The following PLCH1 variants were observed in gnomAD, a reference collection of about 807,000 sequenced individuals.
PLCH1 encodes phospholipase C eta 1.
Under a neutral mutation model 126.7 loss-of-function variants are expected in PLCH1, and 60 were observed. The ratio of observed to expected loss-of-function variants is 0.47; its 90% CI spans 0.38 to 0.59. The LOEUF (loss-of-function observed/expected upper bound fraction) is 0.59, where lower values mean the gene tolerates loss of function less well. Ranked by LOEUF, PLCH1 falls within the 20% of genes least tolerant of loss-of-function variation. The pLI is 0.00. For synonymous variants in PLCH1, 719 were observed against 734.9 expected (o/e 0.98, Z 0.35); for missense variants, 1,723 against 2,040.0 (o/e 0.84, Z 2.99).
chr3:155,543,608 G>A (rs1403363202), intron 10 of PLCH1, among the ~76,000 whole-genome samples: 1 of 152,150 alleles, frequency 6.6e-6, no homozygotes. Flanking sequence ...AAGTTGAAAT[G>A]ACGGAAAAAA....
intron 2 of PLCH1, among the ~76,000 whole-genome samples, chr3:155,602,147 A>G (rs781378013): frequency 6.6e-6 from 1 of 152,226 alleles, no homozygotes; most frequent in East Asian, 1.9e-4. Flanking sequence ...AGTGTAAAAG[A>G]TAATGAGGAA....
At chr3:155,682,276 C>T (rs1744599494) in intron 2 of PLCH1, among the ~76,000 whole-genome samples, 1 of 152,138 alleles carries the variant, frequency 6.6e-6, no homozygotes, top group South Asian at 2.1e-4. Context: ...TAGTTCATGC[C>T]TTTGGCCTAT....
intron 2 of PLCH1, among the ~76,000 whole-genome samples, chr3:155,644,538 A>T (rs1739785612): frequency 6.6e-6 from 1 of 152,140 alleles, no homozygotes; most frequent in Non-Finnish European, 1.5e-5. Flanking sequence ...GGGAGGCGGA[A>T]GTTGCAGAGA....
At chr3:155,646,108 C>T (rs1740019602) in intron 2 of PLCH1, among the ~76,000 whole-genome samples, 1 of 152,108 alleles carries the variant, frequency 6.6e-6, no homozygotes, top group African/African-American at 2.4e-5. Context: ...AGGTGTGTTT[C>T]TGGAGAGCTG....
chr3:155,531,381 T>G (rs1010240710), intron 10 of PLCH1, among the ~76,000 whole-genome samples: 3 of 152,186 alleles, frequency 2.0e-5, no homozygotes, highest in African/African-American at 7.2e-5. Flanking sequence ...TCCCAGCACT[T>G]TGGGAGGCCA....
At chr3:155,541,990 G>C (rs374501730) in intron 10 of PLCH1, among the ~76,000 whole-genome samples, 1 of 152,348 alleles carries the variant, frequency 6.6e-6, no homozygotes, top group East Asian at 1.9e-4. Flanking sequence ...ACTTCCATCT[G>C]AGGTACCGGG....
In PLCH1 at chr3:155,481,254, G is replaced by C. The variant is rs149851824; in HGVS notation, c.4772C>G (p.Ala1591Gly). 1 of 1,614,162 alleles carries C rather than the reference G, an allele frequency of 6.2e-7. No homozygotes were observed. Residue 1591 changes from alanine to glycine, a missense_variant, in exon 23 of 23, where the codon GCC becomes GGC. Ala to Gly is a moderately conservative substitution (Grantham distance 60). Coordinates refer to ENST00000460012, the MANE Select transcript of PLCH1 (RefSeq NM_014996.4). This position sits in a 1 kb window ranked among gnomAD's most constrained non-coding sequence, Gnocchi z 4.2. ...IASRAKEKQE[A>G]NKQKVPNPSN... ...GGGGTTTGGAACTTTCTGCTTGTTG[G>C]CTTCCTGTTTCTCCTTGGCACGACT...
At chr3:155,601,508 A>G (rs1733733677) in intron 2 of PLCH1, among the ~76,000 whole-genome samples, 1 of 152,078 alleles carries the variant, frequency 6.6e-6, no homozygotes, top group Non-Finnish European at 1.5e-5. Context: ...ATATACATAT[A>G]TATGATTAGT....
intron 6 of PLCH1, among the ~76,000 whole-genome samples, chr3:155,582,717 C>A (rs962201928): frequency 5.3e-5 from 8 of 152,030 alleles, no homozygotes; most frequent in African/African-American, 1.9e-4. Flanking sequence ...ATCAACTGCA[C>A]AAAACCAAAG....
At chr3:155,669,267 C>T (rs1743143840) in intron 2 of PLCH1, among the ~76,000 whole-genome samples, 1 of 152,028 alleles carries the variant, frequency 6.6e-6, no homozygotes, top group African/African-American at 2.4e-5. Flanking sequence ...TGGCTAAGCA[C>T]ATTTTTTTAA....
At chr3:155,461,760 C>T (rs747274779) in intron 21 of PLCH1, among the ~76,000 whole-genome samples, 2 of 152,210 alleles carry the variant, frequency 1.3e-5, no homozygotes, top group Non-Finnish European at 2.9e-5. Context: ...AGAATAAGCA[C>T]AGCCACAAGG....
At chr3:155,504,930 G>A (rs1576850695) in intron 12 of PLCH1, among the ~76,000 whole-genome samples, 2 of 152,326 alleles carry the variant, frequency 1.3e-5, no homozygotes, top group South Asian at 4.1e-4. Context: ...GGCCCTCATG[G>A]TGCCTGTTCA....
Position 155,544,515 on chromosome 3 carries a change from G to T in PLCH1, c.1362+5272C>A, listed in dbSNP as rs75087610. On this transcript the variant is annotated intron_variant, in intron 10 of 22. Coordinates refer to ENST00000460012, the MANE Select transcript of PLCH1 (RefSeq NM_014996.4). ...TTAACAAGGATATCCAGGAATTGAA[G>T]TCAGCTCTGCACCAAGCGGACCTAA... Among the ~76,000 whole-genome samples the T allele has an allele frequency of 3.3e-5, 5 of 152,040 alleles. No individual in the cohort carries two copies. In the South Asian group the frequency reaches 1.0e-3, roughly 32 times the overall value.
rs543820354 is a variant in PLCH1, at chr3:155,594,310, C to T, written c.227-126G>A. The T allele has an allele frequency of 1.4e-3, 1,241 of 866,814 alleles. 1 individual carries two copies. Among genetic ancestry groups the T allele is most frequent in the Non-Finnish European group, 1.9e-3 (1,094 of 574,996 alleles). The allele number at this position is 866,814 out of a possible 1,614,324, so 53.7% of individuals were successfully genotyped here. ...ATAAGTATGAGGCTGGGTGCTCACG[C>T]TTGTAATCCTAGCAGTTTGGGAGGT... On this transcript the variant is annotated intron_variant, in intron 3 of 22. Transcript: ENST00000460012.
chr3:155,690,074 A>G (rs1376433356), intron 2 of PLCH1, among the ~76,000 whole-genome samples: 2 of 152,112 alleles, frequency 1.3e-5, no homozygotes, highest in South Asian at 4.1e-4. Context: ...AAGAACATAC[A>G]ATGCAGCGCC....
chr3:155,696,203 A>AATAACT (rs1559943328), intron 2 of PLCH1, among the ~76,000 whole-genome samples: 1 of 152,230 alleles, frequency 6.6e-6, no homozygotes, highest in Non-Finnish European at 1.5e-5. Flanking sequence ...TTACTCTTGA[A>AATAACT]ATAACCCCAA....
chr3:155,606,698 A>C (rs1216596917), intron 2 of PLCH1, among the ~76,000 whole-genome samples: 1 of 152,230 alleles, frequency 6.6e-6, no homozygotes, highest in Non-Finnish European at 1.5e-5. Context: ...GAAGGTATTG[A>C]ATGGGGGAAT....
chr3:155,613,814 G>A (rs79122469), intron 2 of PLCH1, among the ~76,000 whole-genome samples: 4 of 45,104 alleles, frequency 8.9e-5, no homozygotes, highest in African/African-American at 6.7e-4. Context: ...GCAATCAAAC[G>A]AGAAAAAAAT....
chr3:155,527,025 T>G (rs2108311217), intron 10 of PLCH1, among the ~76,000 whole-genome samples: 1 of 152,262 alleles, frequency 6.6e-6, no homozygotes, highest in Admixed American at 6.5e-5. Flanking sequence ...ATGTCCACCC[T>G]ACTCCCTCCA....
Sources: allele counts gnomAD v4.1 joint callset (sites outside exome capture counted in the v4.1 genomes callset), GRCh38; gene constraint gnomAD v4.1.1; non-coding constraint Gnocchi (gnomAD v3.1); transcripts MANE v1.5; gene names NCBI Gene and HGNC (gene_info 2026-07-23, HGNC 2026-07-21).